Variants in SP110 observed in about 807,000 individuals in gnomAD.
The protein encoded by SP110 is interferon-induced protein 41, 30kD.
A neutral mutation model predicts 92.7 loss-of-function variants in SP110; 62 were observed. The ratio of observed to expected loss-of-function variants is 0.67; its 90% CI spans 0.55 to 0.83. The LOEUF is 0.83. SP110 is among the 40% of genes least tolerant of loss of function. SP110 has a pLI of 0.00. For synonymous variants in SP110, 273 were observed against 305.3 expected (o/e 0.89, Z 1.10); for missense variants, 793 against 863.9 (o/e 0.92, Z 1.03).
intron 14 of SP110, among the ~76,000 whole-genome samples, chr2:230,177,147 C>G (rs2041899014): frequency 6.6e-6 from 1 of 152,202 alleles, no homozygotes; most frequent in African/African-American, 2.4e-5. Context: ...AGCGGAGAGA[C>G]AGACCACGGA....
upstream of SP110, among the ~76,000 whole-genome samples, chr2:230,220,723 G>A (rs889891670): frequency 1.3e-5 from 2 of 152,142 alleles, no homozygotes; most frequent in Non-Finnish European, 2.9e-5. Flanking sequence ...TAAACTATTG[G>A]CCAGGCACAG....
chr2:230,181,710 A>C (rs1487074638), intron 12 of SP110, among the ~76,000 whole-genome samples: 1 of 152,268 alleles, frequency 6.6e-6, no homozygotes, highest in Non-Finnish European at 1.5e-5. Context: ...AAAGCTCCAC[A>C]TCACTGAGCA....
At chr2:230,199,141 TATTA>T (rs2043010447) in intron 10 of SP110, among the ~76,000 whole-genome samples, 1 of 134,256 alleles carries the variant, frequency 7.4e-6, no homozygotes, top group African/African-American at 3.3e-5. Context: ...TTATTATTAT[TATTA>T]TTATTTTTTT....
intron 14 of SP110, chr2:230,176,640 T>C: frequency 1.2e-6 from 2 of 1,614,038 alleles, no homozygotes; most frequent in East Asian, 2.2e-5. Flanking sequence ...GTCTGCAACA[T>C]GGTGACTGAG....
Position 230,169,066 on chromosome 2 carries a change from C to T in SP110, c.*58G>A. On this transcript the variant is annotated 3_prime_UTR_variant, in exon 19 of 19. Coordinates refer to ENST00000258381, the MANE Select transcript of SP110 (RefSeq NM_080424.4). ...ACTCACTGGCAATCAACAGTCCAAG[C>T]CAGGGTCCCATCAGCTGAATCCTGA... is the stretch of plus-strand genomic sequence containing the variant. 1.7e-6 allele frequency: 2 copies of T among 1,174,830 alleles called. No individual in the cohort carries two copies. The highest frequency in any genetic ancestry group is 2.6e-6 in the Non-Finnish European group (2 of 780,524). 72.8% of individuals were successfully genotyped at this position (1,174,830 alleles called of 1,614,324 possible). A position where few individuals can be genotyped will look rare whatever the true frequency, so the allele number is the denominator to read the frequency against.
intron 7 of SP110, 139 bp from the exon 8 acceptor site, chr2:230,208,198 G>T (rs2044087593): frequency 1.6e-6 from 1 of 624,756 alleles, no homozygotes; most frequent in Non-Finnish European, 2.8e-6. Flanking sequence ...TGGTACTTCA[G>T]GGAGTAATAG....
chr2:230,183,670 C>A (rs748688873), intron 11 of SP110, 30 bp from the exon 12 acceptor site: 1 of 1,279,254 alleles, frequency 7.8e-7, no homozygotes, highest in East Asian at 2.3e-5. Context: ...TCACTTATAG[C>A]TACAAACATA....
At chr2:230,171,329 T>C in intron 17 of SP110, 1 of 331,774 alleles carries the variant, frequency 3.0e-6, no homozygotes, top group South Asian at 2.7e-5. Context: ...TGACTTCAAG[T>C]GATCTGCCCG....
chr2:230,198,429 C>T (rs189343936), intron 10 of SP110, among the ~76,000 whole-genome samples: 1 of 152,246 alleles, frequency 6.6e-6, no homozygotes, highest in East Asian at 1.9e-4. Flanking sequence ...TAAACATGGG[C>T]AGGGTGAGCA....
intron 13 of SP110, 93 bp downstream of exon 13, chr2:230,178,064 A>C: frequency 1.2e-6 from 1 of 805,674 alleles, no homozygotes; most frequent in Non-Finnish European, 2.2e-6. Context: ...AGCAGGGTCC[A>C]TTTCCTGATC....
Position 230,216,773 on chromosome 2 carries a change from T to A in SP110, c.147+8A>T. ...TGGGCTGCCATGGAAGGGTTCAACA[T>A]GACTCACCATGTACATTCTCTTAGT... On this transcript the variant is annotated splice_region_variant and intron_variant, in intron 2 of 18. Coordinates refer to ENST00000258381, the MANE Select transcript of SP110 (RefSeq NM_080424.4). The A allele has an allele frequency of 6.2e-7, 1 of 1,613,770 alleles. No homozygotes were observed. Among genetic ancestry groups the A allele is most frequent in the Non-Finnish European group, 8.5e-7 (1 of 1,179,834 alleles).
chr2:230,210,013 C>A lies in SP110; in HGVS notation c.752-5G>T, dbSNP rs533665607. 1 of 1,573,150 alleles carries A rather than the reference C, an allele frequency of 6.4e-7. No individual in the cohort carries two copies. The highest frequency in any genetic ancestry group is 1.3e-5 in the African/African-American group (1 of 74,234). On this transcript the variant is annotated splice_region_variant and splice_polypyrimidine_tract_variant and intron_variant, in intron 6 of 18. Transcript: ENST00000258381. Reference sequence around the variant, plus strand: ...CTGGAGAATTATCTCTTATCTCTGACAAAAGAAATATAAGTCATTTCAGAG... The same window carrying A: ...CTGGAGAATTATCTCTTATCTCTGAAAAAAGAAATATAAGTCATTTCAGAG...
At chr2:230,222,937 CTGT>C (rs2045942521), upstream of SP110, among the ~76,000 whole-genome samples, 1 of 147,222 alleles carries the variant, frequency 6.8e-6, no homozygotes. Flanking sequence ...AGATTCATCT[CTGT>C]TGTTGTGGGT....
upstream of SP110, among the ~76,000 whole-genome samples, chr2:230,222,842 T>G (rs1397434763): frequency 1.6e-5 from 1 of 61,086 alleles, no homozygotes; most frequent in Non-Finnish European, 3.4e-5. Flanking sequence ...GTATTAAAGT[T>G]TTTTTTTTTT....
chr2:230,191,152 A>C (rs1356023168), intron 10 of SP110, among the ~76,000 whole-genome samples: 4 of 152,186 alleles, frequency 2.6e-5, no homozygotes, highest in African/African-American at 7.2e-5. Context: ...TGTTAAGAGG[A>C]AAACTTGTAG....
At chr2:230,171,830 T>C (rs2078450443) in intron 16 of SP110, 63 bp from the exon 17 acceptor site, 1 of 1,265,602 alleles carries the variant, frequency 7.9e-7, no homozygotes, top group African/African-American at 1.5e-5. Flanking sequence ...GCCAGGCGAG[T>C]GTCTAGACAT....
intron 17 of SP110, 82 bp downstream of exon 17, chr2:230,171,614 A>G: frequency 9.5e-7 from 1 of 1,052,350 alleles, no homozygotes. Flanking sequence ...CAGCTTCCTG[A>G]GCAAACTGCA....
At chr2:230,204,813 G>A (rs925167713) in intron 8 of SP110, among the ~76,000 whole-genome samples, 32 of 152,106 alleles carry the variant, frequency 2.1e-4, no homozygotes, top group African/African-American at 6.8e-4. Context: ...AAGTCAACAC[G>A]ACTGATGAAA....
intron 1 of SP110, among the ~76,000 whole-genome samples, chr2:230,219,135 G>C (rs1014887449): frequency 6.6e-6 from 1 of 152,240 alleles, no homozygotes; most frequent in Non-Finnish European, 1.5e-5. Flanking sequence ...TGAGGCAGGA[G>C]AATCGCTTGA....
Sources: allele counts gnomAD v4.1 joint callset (sites outside exome capture counted in the v4.1 genomes callset), GRCh38; gene constraint gnomAD v4.1.1; transcripts MANE v1.5; gene names NCBI Gene and HGNC (gene_info 2026-07-23, HGNC 2026-07-21).